The following DYNLRB2 variants were observed in gnomAD, a reference collection of about 807,000 sequenced individuals.
DYNLRB2 encodes dynein light chain roadblock-type 2.
DYNLRB2 carries 14 observed loss-of-function variants against 12.6 expected under a neutral mutation model. That is an observed-to-expected ratio of 1.11 (90% confidence interval 0.73 to 1.73). The LOEUF (loss-of-function observed/expected upper bound fraction) is 1.73, where lower values mean the gene tolerates loss of function less well. Among genes scored for constraint, DYNLRB2 ranks in the 40% most tolerant of loss-of-function variants. The probability of loss-of-function intolerance (pLI) is 0.00; values close to 1 mark genes in which losing one functional copy is unlikely to be tolerated. For missense variants in DYNLRB2, 142 were observed against 117.7 expected (o/e 1.21, Z -0.95); for synonymous variants, 53 against 37.0 (o/e 1.43, Z -1.57).
intron 2 of DYNLRB2, chr16:80,548,995 A>G (rs1454347978): frequency 4.4e-6 from 2 of 455,946 alleles, no homozygotes; most frequent in Non-Finnish European, 8.8e-6. Flanking sequence ...CAGACTCACT[A>G]TAGACAAGAT....
At chr16:80,547,110 A>G (rs1904516182) in intron 2 of DYNLRB2, among the ~76,000 whole-genome samples, 1 of 152,244 alleles carries the variant, frequency 6.6e-6, no homozygotes, top group Non-Finnish European at 1.5e-5. Flanking sequence ...TCAGCAGGAC[A>G]TATTAAGTAT....
chr16:80,541,574 C>CT (rs1457618114), intron 1 of DYNLRB2, among the ~76,000 whole-genome samples: 1 of 106,118 alleles, frequency 9.4e-6, no homozygotes, highest in Middle Eastern at 9.8e-3. Context: ...ACCCGCCCCC[C>CT]TCCCCCCCAG....
At chr16:80,541,479 G>A in intron 1 of DYNLRB2, 6 of 760,898 alleles carry the variant, frequency 7.9e-6, no homozygotes, top group Non-Finnish European at 9.6e-6. Context: ...GTGGGACAGG[G>A]AAAGCAAGGG....
chr16:80,543,254 T>C, intron 1 of DYNLRB2, 22 bp from the exon 2 acceptor site: 1 of 1,613,504 alleles, frequency 6.2e-7, no homozygotes, highest in South Asian at 1.1e-5. Flanking sequence ...TTTTGGTTAA[T>C]TATCTTCCTG....
chr16:80,548,782 A>G (rs989673792), intron 2 of DYNLRB2, among the ~76,000 whole-genome samples: 1 of 152,154 alleles, frequency 6.6e-6, no homozygotes, highest in Non-Finnish European at 1.5e-5. Context: ...TGATAAAGCC[A>G]AAAATGGGTG....
intron 3 of DYNLRB2, among the ~76,000 whole-genome samples, 168 bp from the exon 4 acceptor site, chr16:80,550,347 G>A (rs1315011173): frequency 6.6e-6 from 1 of 152,182 alleles, no homozygotes; most frequent in Non-Finnish European, 1.5e-5. Flanking sequence ...CCTAGGAAAT[G>A]GGTATTTTCT....
chr16:80,546,055 A>G (rs1904446666), intron 2 of DYNLRB2, among the ~76,000 whole-genome samples: 1 of 152,194 alleles, frequency 6.6e-6, no homozygotes, highest in African/African-American at 2.4e-5. Context: ...CTGGGTACTT[A>G]AGAGTTTTTA....
chr16:80,548,870 T>C (rs1904651579), intron 2 of DYNLRB2: 1 of 450,068 alleles, frequency 2.2e-6, no homozygotes, highest in Non-Finnish European at 4.5e-6. Context: ...ATTTGTGAAA[T>C]ACTGTGTGAG....
chr16:80,542,053 TA>T (rs1904293037), intron 1 of DYNLRB2, among the ~76,000 whole-genome samples: 1 of 152,208 alleles, frequency 6.6e-6, no homozygotes, highest in African/African-American at 2.4e-5. Flanking sequence ...AGGTCCTTAA[TA>T]CCACTGTCAT....
rs531267087 is a variant in DYNLRB2, at chr16:80,543,236, C to T, written c.4-40C>T. 9.0e-5 allele frequency: 144 copies of T among 1,600,478 alleles called. No homozygotes were observed. The Middle Eastern group carries it at 9.9e-4, about 11-fold the overall frequency. ...ATTCTCCTTAGGGTTGAAGTTACCA[C>T]AGGGCCCTTTTGGTTAATTATCTTC... On this transcript the variant is annotated intron_variant, in intron 1 of 3. Transcript: ENST00000305904.
chr16:80,548,462 C>CA (rs757612202), intron 2 of DYNLRB2, among the ~76,000 whole-genome samples: 151 of 152,244 alleles, frequency 9.9e-4, no homozygotes, highest in Non-Finnish European at 1.7e-3. Flanking sequence ...CATGGTGGCT[C>CA]ACGCCTGTAA....
At chr16:80,541,181 A>G in intron 1 of DYNLRB2, 102 bp downstream of exon 1, 2 of 1,479,884 alleles carry the variant, frequency 1.4e-6, no homozygotes, top group East Asian at 2.4e-5. Context: ...CGGGCGGTCC[A>G]GGGGCCGCGG....
chr16:80,547,984 C>A, intron 2 of DYNLRB2: 1 of 339,904 alleles, frequency 2.9e-6, no homozygotes, highest in Non-Finnish European at 5.7e-6. Context: ...TGATGGTCTT[C>A]AAGATTTTTA....
chr16:80,550,305 C>A (rs1904762377), intron 3 of DYNLRB2, among the ~76,000 whole-genome samples: 1 of 152,160 alleles, frequency 6.6e-6, no homozygotes, highest in African/African-American at 2.4e-5. Context: ...TGGGACTGCA[C>A]CCCAAACCAA....
intron 1 of DYNLRB2, among the ~76,000 whole-genome samples, chr16:80,541,907 C>G (rs1348463780): frequency 6.6e-6 from 1 of 152,200 alleles, no homozygotes; most frequent in Non-Finnish European, 1.5e-5. Context: ...TTCTCAAAGT[C>G]AGATGCAAAC....
chr16:80,548,489 G>A (rs111571218), intron 2 of DYNLRB2, among the ~76,000 whole-genome samples: 1 of 152,168 alleles, frequency 6.6e-6, no homozygotes, highest in Non-Finnish European at 1.5e-5. Context: ...CACTGTGGGA[G>A]GCATGAGGCG....
intron 2 of DYNLRB2, chr16:80,548,990 T>C: frequency 2.2e-6 from 1 of 456,010 alleles, no homozygotes; most frequent in Non-Finnish European, 4.4e-6. Context: ...CAGAGCAGAC[T>C]CACTATAGAC....
At chr16:80,549,771 A>G (rs756637154) in intron 3 of DYNLRB2, 120 bp downstream of exon 3, 134 of 1,031,924 alleles carry the variant, frequency 1.3e-4, no homozygotes, top group Non-Finnish European at 1.7e-4. Context: ...ATATTCTTCT[A>G]TTACAAAATG....
chr16:80,548,966 C>A (rs1904661093), intron 2 of DYNLRB2: 1 of 455,832 alleles, frequency 2.2e-6, no homozygotes, highest in African/African-American at 2.0e-5. Context: ...CACCATGTCA[C>A]AGAGCAAGAA....
Sources: allele counts gnomAD v4.1 joint callset (sites outside exome capture counted in the v4.1 genomes callset), GRCh38; gene constraint gnomAD v4.1.1; transcripts MANE v1.5; gene names NCBI Gene and HGNC (gene_info 2026-07-23, HGNC 2026-07-21).